The following NBEAL1 variants were observed in gnomAD, a reference collection of about 807,000 sequenced individuals.
NBEAL1 encodes the protein neurobeachin-like protein 1.
In NBEAL1, 273 loss-of-function variants were observed where a neutral mutation model predicts 351.3. That is an observed-to-expected ratio of 0.78 (90% CI 0.70 to 0.86). NBEAL1 has a LOEUF of 0.86. Among genes scored for constraint, NBEAL1 ranks in the 40% least tolerant of loss-of-function variants. The pLI, the probability that NBEAL1 is intolerant of heterozygous loss-of-function variation, is 0.00. For synonymous variants in NBEAL1, 1,050 were observed against 1,086.4 expected, an observed-to-expected ratio of 0.97 and a Z score of 0.66; for missense variants, 2,961 against 3,201.3, an observed-to-expected ratio of 0.92 and a Z score of 1.81.
chr2:203,198,944 T>G (rs1412526812), intron 48 of NBEAL1, among the ~76,000 whole-genome samples: 2 of 151,880 alleles, frequency 1.3e-5, no homozygotes, highest in African/African-American at 4.8e-5. Context: ...TCCTAATGCT[T>G]TGGGAGGCCG....
chr2:203,130,376 A>G lies in NBEAL1; in HGVS notation c.3464A>G (p.Gln1155Arg). The G allele has an allele frequency of 6.5e-7, 1 of 1,533,230 alleles. No homozygotes were observed. Among genetic ancestry groups the G allele is most frequent in the South Asian group, 1.3e-5 (1 of 79,764 alleles). The allele number at this position is 1,533,230 out of a possible 1,614,324, so 95.0% of individuals were successfully genotyped here. A position where few individuals can be genotyped will look rare whatever the true frequency, so the allele number is the denominator to read the frequency against. ...SLLRTSPTRG[Q>R]LFLLLFEPGN... ...CTACGTACCAGCCCAACCAGAGGTC[A>G]GCTTTTCTTACTGCTTTTTGAACCA... Residue 1155 changes from glutamine (Q) to arginine (R), a missense_variant, in exon 25 of 56, where the codon CAG becomes CGG. Coordinates refer to ENST00000683969, the MANE Select transcript of NBEAL1 (RefSeq NM_001378026.1).
chr2:203,045,172 CTAAT>C (rs982175340), intron 3 of NBEAL1, among the ~76,000 whole-genome samples: 1 of 151,888 alleles, frequency 6.6e-6, no homozygotes, highest in Non-Finnish European at 1.5e-5. Flanking sequence ...GATTTTTTGA[CTAAT>C]TATTTATTAA....
intron 8 of NBEAL1, among the ~76,000 whole-genome samples, chr2:203,080,454 T>C (rs2061853159): frequency 6.6e-6 from 1 of 152,176 alleles, no homozygotes; most frequent in Non-Finnish European, 1.5e-5. Context: ...GCAATTCCCC[T>C]TTCCTCCTTG....
At position 203,132,090 on chromosome 2, in the gene NBEAL1, A is replaced by T. The variant is rs149857635; in HGVS notation, c.3682A>T (p.Thr1228Ser). Reference protein sequence around the residue: ...GLLLNEALVNTSLIKNLTHQI... With the variant: ...GLLLNEALVNSSLIKNLTHQI... Reference sequence around the variant, plus strand: ...CCTTCTTAATGAAGCACTTGTTAATACTTCTCTTATTAAAAACCTCACCCA... The same window carrying T: ...CCTTCTTAATGAAGCACTTGTTAATTCTTCTCTTATTAAAAACCTCACCCA... The change falls in exon 26 of 56, where the codon ACT (threonine) becomes TCT (serine). Residue 1228 changes from threonine to serine, a missense_variant. Thr to Ser is a moderately conservative substitution (Grantham distance 58, BLOSUM62 1). Transcript: ENST00000683969. 536 of 1,545,780 alleles carry T rather than the reference A, an allele frequency of 3.5e-4. 4 individuals are homozygous for T. In the African/African-American group the frequency reaches 6.1e-3, roughly 18 times the overall value.
chr2:203,192,963 C>CTCT (rs1559053733), intron 46 of NBEAL1, among the ~76,000 whole-genome samples: 3 of 99,346 alleles, frequency 3.0e-5, no homozygotes, highest in Non-Finnish European at 4.1e-5. Flanking sequence ...TTCTTTCTTT[C>CTCT]TTTTTTTTTT....
intron 3 of NBEAL1, among the ~76,000 whole-genome samples, chr2:203,045,820 T>C (rs1409980537): frequency 1.3e-5 from 2 of 152,200 alleles, no homozygotes; most frequent in Non-Finnish European, 2.9e-5. Context: ...TAGGCATGCT[T>C]TAGGGAGCTC....
At chr2:203,031,934 G>T (rs77125493) in intron 2 of NBEAL1, among the ~76,000 whole-genome samples, 2,575 of 152,254 alleles carry the variant, frequency 0.017, 67 homozygotes, top group East Asian at 0.086. Flanking sequence ...TGATCTGTGT[G>T]ATCAGTAGAA....
intron 45 of NBEAL1, among the ~76,000 whole-genome samples, chr2:203,189,649 A>T (rs955636473): frequency 6.6e-6 from 1 of 152,048 alleles, no homozygotes; most frequent in African/African-American, 2.4e-5. Flanking sequence ...AGCCTCCCAA[A>T]GTGCTGGGAT....
intron 35 of NBEAL1, among the ~76,000 whole-genome samples, chr2:203,154,080 C>T (rs1358687457): frequency 6.6e-6 from 1 of 151,788 alleles, no homozygotes; most frequent in African/African-American, 2.4e-5. Flanking sequence ...CCTGTCTCTA[C>T]AAAAAATTAG....
intron 18 of NBEAL1, among the ~76,000 whole-genome samples, chr2:203,117,953 T>C (rs977995245): frequency 3.3e-5 from 5 of 152,008 alleles, no homozygotes; most frequent in Admixed American, 6.6e-5. Flanking sequence ...CTTCGCGAAG[T>C]GTTGGGATTA....
In NBEAL1 at chr2:203,016,139, G is replaced by A. The variant is rs1193370504; in HGVS notation, c.-229-17G>A. 5.9e-6 allele frequency: 2 copies of A among 339,644 alleles called. No individual in the cohort carries two copies. Among genetic ancestry groups the A allele is most frequent in the East Asian group, 4.4e-5 (1 of 22,542 alleles). The allele number at this position is 339,644 out of a possible 1,614,324, so 21.0% of individuals were successfully genotyped here. Reference sequence around the variant, plus strand: ...TGGCCTCTTTTTCTAACCTGTGGATGTTTTTCTCTTTCACAGATTTATTTA... The same window carrying A: ...TGGCCTCTTTTTCTAACCTGTGGATATTTTTCTCTTTCACAGATTTATTTA... On this transcript the variant is annotated splice_polypyrimidine_tract_variant and intron_variant, in intron 1 of 55. Coordinates refer to ENST00000683969, the MANE Select transcript of NBEAL1 (RefSeq NM_001378026.1).
intron 3 of NBEAL1, among the ~76,000 whole-genome samples, chr2:203,049,515 A>G (rs2061289262): frequency 1.3e-5 from 2 of 152,210 alleles, no homozygotes; most frequent in Non-Finnish European, 2.9e-5. Context: ...CATTAAAAAT[A>G]GTACAATTGA....
At chr2:203,134,023 C>T (rs1262564117) in intron 27 of NBEAL1, among the ~76,000 whole-genome samples, 1 of 151,916 alleles carries the variant, frequency 6.6e-6, no homozygotes, top group African/African-American at 2.4e-5. Flanking sequence ...TGTGGTAATA[C>T]ATCTGTAGGA....
intron 2 of NBEAL1, among the ~76,000 whole-genome samples, chr2:203,025,927 G>T (rs562183493): frequency 6.6e-6 from 1 of 151,770 alleles, no homozygotes; most frequent in Admixed American, 6.6e-5. Flanking sequence ...TCTGAAGTGG[G>T]CATTGGAGAC....
chr2:203,137,099 T>C (rs931195427), intron 29 of NBEAL1, among the ~76,000 whole-genome samples: 1 of 152,218 alleles, frequency 6.6e-6, no homozygotes, highest in African/African-American at 2.4e-5. Context: ...TTTGAGTGTT[T>C]CCGTGCTAAG....
rs947445148 is a variant in NBEAL1 at position 203,219,493 on chromosome 2, A to C, written c.*2139A>C. 4.6e-5 allele frequency: 7 copies of C among 151,948 alleles called. No individual in the cohort carries two copies. The highest frequency in any genetic ancestry group is 1.7e-4 in the African/African-American group (7 of 41,368). 9.4% of individuals were successfully genotyped at this position (151,948 alleles called of 1,614,324 possible). On this transcript the variant is annotated 3_prime_UTR_variant, in exon 56 of 56. Coordinates refer to ENST00000683969, the MANE Select transcript of NBEAL1 (RefSeq NM_001378026.1). ...TTGTTCACAATAAAATAGATATCCT[A>C]CCTGGACTAATACTAGATGTACAAG...
chr2:203,172,145 G>T, intron 40 of NBEAL1, 122 bp downstream of exon 40: 1 of 453,170 alleles, frequency 2.2e-6, no homozygotes, highest in Non-Finnish European at 3.8e-6. Flanking sequence ...CTTTCTGTAT[G>T]TTTTCTACCC....
At position 203,201,619 on chromosome 2, in the gene NBEAL1, G is replaced by A. The variant is rs1268972558; in HGVS notation, c.7315G>A (p.Ala2439Thr). 2 of 1,612,696 alleles carry A rather than the reference G, an allele frequency of 1.2e-6. No individual in the cohort carries two copies. The highest frequency in any genetic ancestry group is 1.7e-6 in the Non-Finnish European group (2 of 1,179,286). The change falls in exon 50 of 56, where the codon GCA (alanine) becomes ACA (threonine). Residue 2439 changes from alanine (A) to threonine (T), a missense_variant. By Grantham distance (58) the Ala-to-Thr change is moderately conservative. Transcript: ENST00000683969. Reference sequence around the variant, plus strand: ...TAAGCTATTTGTAGTATCACATGATGCAAAGTTGCTCTTCAGTGCTGGATA... The same window carrying A: ...TAAGCTATTTGTAGTATCACATGATACAAAGTTGCTCTTCAGTGCTGGATA... Reference protein sequence around the residue: ...TSKLFVVSHDAKLLFSAGYWD... With the variant: ...TSKLFVVSHDTKLLFSAGYWD...
chr2:203,133,843 A>G (rs2063134836), intron 27 of NBEAL1, among the ~76,000 whole-genome samples: 1 of 151,602 alleles, frequency 6.6e-6, no homozygotes. Context: ...TATTTGTTGT[A>G]TAATATATAT....
Sources: gnomAD v4.1 joint callset for allele counts (sites outside exome capture counted in the v4.1 genomes callset) on GRCh38, gnomAD v4.1.1 for gene constraint, MANE v1.5 for transcripts, NCBI Gene and HGNC (gene_info 2026-07-23, HGNC 2026-07-21) for gene names.